Variants in LRRC4C observed in about 807,000 individuals in gnomAD.
LRRC4C encodes the protein leucine rich repeat containing 4C, also known as leucine-rich repeat-containing protein 4C.
LRRC4C carries 5 observed loss-of-function variants against 33.6 expected under a neutral mutation model. The ratio of observed to expected loss-of-function variants is 0.15; its 90% CI spans 0.08 to 0.31. The LOEUF is 0.31. LRRC4C is among the 10% of genes least tolerant of loss of function. LRRC4C has a pLI of 1.00. For synonymous variants in LRRC4C, 329 were observed against 302.0 expected (o/e 1.09, Z -0.93); for missense variants, 560 against 796.7 (o/e 0.70, Z 3.58).
intron 4 of LRRC4C, among the ~76,000 whole-genome samples, chr11:40,263,720 G>A (rs188602944): frequency 6.3e-4 from 96 of 152,242 alleles, no homozygotes; most frequent in Admixed American, 5.6e-3. Flanking sequence ...TTTCTTCACC[G>A]CAGGAAAGGC....
chr11:40,677,040 C>G (rs1944439679), intron 2 of LRRC4C, among the ~76,000 whole-genome samples: 2 of 152,260 alleles, frequency 1.3e-5, no homozygotes, highest in South Asian at 4.1e-4. Context: ...CCCTGTGTTT[C>G]ACATATTTCT....
intron 2 of LRRC4C, among the ~76,000 whole-genome samples, chr11:40,868,801 T>C (rs564373165): frequency 1.3e-5 from 2 of 152,214 alleles, no homozygotes; most frequent in Admixed American, 6.5e-5. Flanking sequence ...TTGTTCATAA[T>C]ATTAACAATG....
At chr11:41,034,433 AAC>A (rs3067314) in intron 1 of LRRC4C, among the ~76,000 whole-genome samples, 20,101 of 138,924 alleles carry the variant, frequency 0.14, 1,530 homozygotes, top group Middle Eastern at 0.21. Flanking sequence ...GAACAATCCA[AAC>A]ACACACACAC....
rs189303169 is a variant in LRRC4C at position 40,942,235 on chromosome 11, G to A, written c.-495-8512C>T. Among the ~76,000 whole-genome samples, 674 of 152,266 alleles carry A rather than the reference G, an allele frequency of 4.4e-3. 28 individuals are homozygous for A. The highest frequency in any genetic ancestry group is 0.041 in the Admixed American group (630 of 15,264). On this transcript the variant is annotated intron_variant, in intron 1 of 6. Coordinates refer to ENST00000528697, the MANE Select transcript of LRRC4C (RefSeq NM_001258419.2). Reference sequence around the variant, plus strand: ...GTGAGCTACTAGCAGTCATTGACTGGAAGCAGCTCATGGGAAACAAAATCT... The same window carrying A: ...GTGAGCTACTAGCAGTCATTGACTGAAAGCAGCTCATGGGAAACAAAATCT...
intron 1 of LRRC4C, among the ~76,000 whole-genome samples, chr11:41,144,201 C>G (rs1249515048): frequency 1.3e-5 from 2 of 152,134 alleles, no homozygotes; most frequent in Admixed American, 1.3e-4. Flanking sequence ...TCAAACTGCT[C>G]TGGTACAGCT....
intron 2 of LRRC4C, among the ~76,000 whole-genome samples, chr11:40,846,670 C>T (rs1003411669): frequency 6.6e-6 from 1 of 151,926 alleles, no homozygotes; most frequent in Non-Finnish European, 1.5e-5. Flanking sequence ...GAAATTTAAA[C>T]TAGTTTTTAT....
At chr11:40,946,828 GC>G (rs1485188432) in intron 1 of LRRC4C, among the ~76,000 whole-genome samples, 1 of 152,068 alleles carries the variant, frequency 6.6e-6, no homozygotes, top group East Asian at 1.9e-4. Flanking sequence ...CTTCTCATCT[GC>G]ACATGGAACA....
At chr11:40,453,822 C>G (rs1007287208) in intron 3 of LRRC4C, among the ~76,000 whole-genome samples, 1 of 152,110 alleles carries the variant, frequency 6.6e-6, no homozygotes, top group Non-Finnish European at 1.5e-5. Context: ...AATCACTGTA[C>G]ATTGGTACCA....
chr11:41,166,203 C>T (rs927888732), intron 1 of LRRC4C, among the ~76,000 whole-genome samples: 1 of 151,882 alleles, frequency 6.6e-6, no homozygotes, highest in African/African-American at 2.4e-5. Flanking sequence ...ATTAAGTTTT[C>T]AGCACAGAGC....
At chr11:41,209,947 G>A (rs1946754296) in intron 1 of LRRC4C, among the ~76,000 whole-genome samples, 2 of 152,042 alleles carry the variant, frequency 1.3e-5, no homozygotes, top group Admixed American at 6.6e-5. Context: ...GTCACTGTAG[G>A]GAGACTAAGA....
intron 3 of LRRC4C, among the ~76,000 whole-genome samples, chr11:40,608,013 AT>A (rs1251875323): frequency 6.6e-6 from 1 of 152,138 alleles, no homozygotes; most frequent in East Asian, 1.9e-4. Context: ...AACCTTTCCC[AT>A]TTCAAAGTGA....
At chr11:40,409,737 T>C (rs1467731829) in intron 3 of LRRC4C, among the ~76,000 whole-genome samples, 1 of 151,898 alleles carries the variant, frequency 6.6e-6, no homozygotes, top group Non-Finnish European at 1.5e-5. Context: ...AATAACACGG[T>C]TTAGAAATGA....
At chr11:40,404,267 A>T (rs1949875197) in intron 3 of LRRC4C, among the ~76,000 whole-genome samples, 1 of 152,168 alleles carries the variant, frequency 6.6e-6, no homozygotes, top group African/African-American at 2.4e-5. Flanking sequence ...AAGATGCAAG[A>T]TTCTGGCTGA....
intron 1 of LRRC4C, among the ~76,000 whole-genome samples, chr11:41,151,490 T>G (rs1322796544): frequency 1.3e-5 from 2 of 152,110 alleles, no homozygotes; most frequent in Non-Finnish European, 2.9e-5. Context: ...AGCACTAGAG[T>G]TCGTGTGCTG....
chr11:40,637,356 G>A (rs901139634), intron 3 of LRRC4C, among the ~76,000 whole-genome samples: 12 of 152,170 alleles, frequency 7.9e-5, no homozygotes, highest in Non-Finnish European at 1.6e-4. Context: ...AAGATCAAGT[G>A]ACTAAGTATA....
At chr11:41,177,229 G>T (rs1478012032) in intron 1 of LRRC4C, among the ~76,000 whole-genome samples, 1 of 152,148 alleles carries the variant, frequency 6.6e-6, no homozygotes, top group Non-Finnish European at 1.5e-5. Flanking sequence ...AGACTGAGTG[G>T]TACAAGAAGA....
intron 1 of LRRC4C, among the ~76,000 whole-genome samples, chr11:41,111,869 T>G (rs1225064249): frequency 6.6e-6 from 1 of 152,040 alleles, no homozygotes; most frequent in Non-Finnish European, 1.5e-5. Flanking sequence ...AAGTTCTGAC[T>G]ATCATAGATA....
rs562076037 is a variant in LRRC4C, at chr11:41,014,683, C to T, written c.-495-80960G>A. On this transcript the variant is annotated intron_variant, in intron 1 of 6. Coordinates refer to ENST00000528697, the MANE Select transcript of LRRC4C (RefSeq NM_001258419.2). ...AGGGACTATCCTTGTTCAAAAAGGG[C>T]TGTCTAATATACTTATCCTCCCACA... Among the ~76,000 whole-genome samples the T allele has an allele frequency of 6.2e-4, 94 of 152,196 alleles. 1 individual carries two copies. Among genetic ancestry groups the T allele is most frequent in the African/African-American group, 2.0e-3 (85 of 41,538 alleles).
intron 3 of LRRC4C, among the ~76,000 whole-genome samples, chr11:40,631,588 T>C (rs1379562157): frequency 6.6e-6 from 1 of 152,214 alleles, no homozygotes; most frequent in African/African-American, 2.4e-5. Context: ...AGAAAGTTTG[T>C]GGACCATCTT....
Sources: allele counts gnomAD v4.1 joint callset (sites outside exome capture counted in the v4.1 genomes callset), GRCh38; gene constraint gnomAD v4.1.1; transcripts MANE v1.5; gene names NCBI Gene and HGNC (gene_info 2026-07-23, HGNC 2026-07-21).